Variants in SLC2A12 observed in about 807,000 individuals in gnomAD.
The protein encoded by SLC2A12 is solute carrier family 2, facilitated glucose transporter member 12.
A neutral mutation model predicts 41.8 loss-of-function variants in SLC2A12; 23 were observed. The observed-to-expected ratio is 0.55, with a 90% CI of 0.40 to 0.78. The LOEUF is 0.78. SLC2A12 is among the 30% of genes least tolerant of loss of function. The probability of loss-of-function intolerance (pLI) is 0.00; values close to 1 mark genes in which losing one functional copy is unlikely to be tolerated. For synonymous variants in SLC2A12, 295 were observed against 285.9 expected (o/e 1.03, Z -0.32); for missense variants, 654 against 745.6 (o/e 0.88, Z 1.43).
At position 133,987,660 on chromosome 6, in the gene SLC2A12, A is replaced by ATATATATATATG. The variant is rs1014795332; in HGVS notation, c.*3494_*3495insCATATATATATA. On this transcript the variant is annotated 3_prime_UTR_variant, in exon 5 of 5. Coordinates refer to ENST00000275230, the MANE Select transcript of SLC2A12 (RefSeq NM_145176.3). ...TGTGTGTGTGTGTGTATATATATATATATATATGCACCACATGTGTATAGT... is the reference window on the plus strand; with the variant it reads ...TGTGTGTGTGTGTGTATATATATATATATATATATATGTATATATGCACCACATGTGTATAGT... The ATATATATATATG allele has an allele frequency of 6.9e-5, 10 of 145,016 alleles. No individual in the cohort carries two copies. The highest frequency in any genetic ancestry group is 2.1e-4 in the Admixed American group (3 of 14,034). 9.0% of individuals were successfully genotyped at this position (145,016 alleles called of 1,614,324 possible). A position where few individuals can be genotyped will look rare whatever the true frequency, so the allele number is the denominator to read the frequency against.
chr6:134,052,525 C>G lies in SLC2A12; in HGVS notation c.-45G>C. 1 of 1,477,514 alleles carries G rather than the reference C, an allele frequency of 6.8e-7. No homozygotes were observed. The highest frequency in any genetic ancestry group is 9.4e-7 in the Non-Finnish European group (1 of 1,062,232). The allele number at this position is 1,477,514 out of a possible 1,614,324, so 91.5% of individuals were successfully genotyped here. On this transcript the variant is annotated 5_prime_UTR_variant, in exon 1 of 5. Transcript: ENST00000275230. ...CCGCTTCCCCGCCACCAAACCGCCC[C>G]GACCACCCCCGCTCCCAGGAGTGGT... is the stretch of plus-strand genomic sequence containing the variant.
chr6:134,013,569 A>G (rs1172629134), intron 2 of SLC2A12, among the ~76,000 whole-genome samples: 1 of 152,142 alleles, frequency 6.6e-6, no homozygotes, highest in African/African-American at 2.4e-5. Context: ...CTAGAATAAC[A>G]TGATACATTT....
At chr6:134,044,549 A>G (rs1045766099) in intron 1 of SLC2A12, among the ~76,000 whole-genome samples, 1 of 152,002 alleles carries the variant, frequency 6.6e-6, no homozygotes, top group Non-Finnish European at 1.5e-5. Flanking sequence ...CCCCATCTCT[A>G]CTAAAAATAC....
chr6:134,026,731 T>TA (rs976398662), intron 2 of SLC2A12, among the ~76,000 whole-genome samples: 4 of 152,256 alleles, frequency 2.6e-5, no homozygotes, highest in Non-Finnish European at 4.4e-5. Flanking sequence ...AGCAGTCTTA[T>TA]AGCGGGAAAT....
intron 1 of SLC2A12, among the ~76,000 whole-genome samples, chr6:134,030,909 T>C (rs1198716342): frequency 1.3e-5 from 2 of 152,162 alleles, no homozygotes; most frequent in African/African-American, 4.8e-5. Flanking sequence ...GTTTCTTATT[T>C]ATAAAGTCCA....
At chr6:134,018,602 C>G (rs1341390021) in intron 2 of SLC2A12, among the ~76,000 whole-genome samples, 1 of 152,190 alleles carries the variant, frequency 6.6e-6, no homozygotes, top group East Asian at 1.9e-4. Flanking sequence ...AATGTTACCA[C>G]CTCAGAAATG....
At chr6:134,027,026 A>G (rs1230195333) in intron 2 of SLC2A12, among the ~76,000 whole-genome samples, 1 of 152,224 alleles carries the variant, frequency 6.6e-6, no homozygotes, top group African/African-American at 2.4e-5. Flanking sequence ...AAGTCTAGTT[A>G]TTAATTGAGA....
In SLC2A12 at chr6:133,990,333, A is replaced by C. The variant is rs1488106966; in HGVS notation, c.*822T>G. 1.3e-5 allele frequency: 2 copies of C among 152,596 alleles called. No individual in the cohort carries two copies. The highest frequency in any genetic ancestry group is 4.8e-5 in the African/African-American group (2 of 41,436). The allele number at this position is 152,596 out of a possible 1,614,324, so 9.5% of individuals were successfully genotyped here. On this transcript the variant is annotated 3_prime_UTR_variant, in exon 5 of 5. Transcript: ENST00000275230. Reference sequence around the variant, plus strand: ...GGCTTGACTTAATAACTTCAACCTAATTGCTTAGAGATTTGGATAAATAAC... The same window carrying C: ...GGCTTGACTTAATAACTTCAACCTACTTGCTTAGAGATTTGGATAAATAAC...
chr6:134,015,850 C>T lies in SLC2A12; in HGVS notation c.1445-8916G>A, dbSNP rs554995384. Among the ~76,000 whole-genome samples the T allele has an allele frequency of 2.0e-5, 3 of 152,216 alleles. No individual in the cohort carries two copies. The East Asian group carries it at 5.8e-4, about 29-fold the overall frequency. On this transcript the variant is annotated intron_variant, in intron 2 of 4. Transcript: ENST00000275230. Reference sequence around the variant, plus strand: ...TCCAATGAACAAAATTTTTAAGAGCCAGAGTTATTTGTTTAAATCTAAGTT... The same window carrying T: ...TCCAATGAACAAAATTTTTAAGAGCTAGAGTTATTTGTTTAAATCTAAGTT...
chr6:134,037,189 CTG>C (rs902391818), intron 1 of SLC2A12, among the ~76,000 whole-genome samples: 2 of 117,408 alleles, frequency 1.7e-5, no homozygotes, highest in African/African-American at 6.6e-5. Context: ...AAGTGTCACT[CTG>C]TCGCCCAGGC....
chr6:134,038,387 A>T, intron 1 of SLC2A12, among the ~76,000 whole-genome samples: 2 of 96,932 alleles, frequency 2.1e-5, no homozygotes, highest in African/African-American at 4.1e-5. Context: ...TTTGAGATGG[A>T]GTCTCTCTCT....
At chr6:134,027,786 T>C (rs1777134635) in intron 2 of SLC2A12, among the ~76,000 whole-genome samples, 1 of 152,242 alleles carries the variant, frequency 6.6e-6, no homozygotes, top group African/African-American at 2.4e-5. Context: ...AGCTATGTCC[T>C]TGTAAATTGT....
rs913566701 is a variant in SLC2A12, at chr6:134,014,537, T to A, written c.1445-7603A>T. ...AATGTCATGGCTTCGGAGATCATAT[T>A]TGATGTTGTACATTTTTCATTATTG... On this transcript the variant is annotated intron_variant, in intron 2 of 4. Transcript: ENST00000275230. Among the ~76,000 whole-genome samples, 5 of 152,232 alleles carry A rather than the reference T, an allele frequency of 3.3e-5. No individual in the cohort carries two copies. The East Asian group carries it at 9.6e-4, about 29-fold the overall frequency.
intron 4 of SLC2A12, among the ~76,000 whole-genome samples, chr6:133,999,175 A>T (rs1255561232): frequency 2.0e-5 from 3 of 152,198 alleles, no homozygotes; most frequent in African/African-American, 7.2e-5. Context: ...GGCTAGAGCT[A>T]CTCAGGGCTT....
rs1275796411 is a variant in SLC2A12 at position 133,989,631 on chromosome 6, T to C, written c.*1524A>G. On this transcript the variant is annotated 3_prime_UTR_variant, in exon 5 of 5. Transcript: ENST00000275230. ...ATCTCCTTTCCTTTTAGCTTCCCCC[T>C]GCCAATTTTTATACAGATAATACAC... 6.6e-6 allele frequency: 1 copy of C among 152,182 alleles called. No individual in the cohort carries two copies. Among genetic ancestry groups the C allele is most frequent in the Admixed American group, 6.5e-5 (1 of 15,284 alleles). 9.4% of individuals were successfully genotyped at this position (152,182 alleles called of 1,614,324 possible).
chr6:134,021,820 A>G (rs1278258225), intron 2 of SLC2A12, among the ~76,000 whole-genome samples: 2 of 152,226 alleles, frequency 1.3e-5, no homozygotes, highest in East Asian at 1.9e-4. Context: ...GTGGATTCAA[A>G]GAGGAGATAA....
chr6:134,051,963 A>C (rs1426097484), intron 1 of SLC2A12, among the ~76,000 whole-genome samples: 1 of 152,224 alleles, frequency 6.6e-6, no homozygotes, highest in African/African-American at 2.4e-5. Flanking sequence ...TTGTGACAAT[A>C]AATGAAAAAG....
intron 3 of SLC2A12, among the ~76,000 whole-genome samples, chr6:134,002,662 TTGCTC>T (rs1407903278): frequency 2.0e-5 from 3 of 152,192 alleles, no homozygotes; most frequent in African/African-American, 7.2e-5. Context: ...TCACCCTTCT[TTGCTC>T]TGATGTGAAT....
intron 1 of SLC2A12, among the ~76,000 whole-genome samples, chr6:134,032,426 TTATA>T (rs1210191475): frequency 4.8e-4 from 17 of 35,502 alleles, no homozygotes; most frequent in South Asian, 1.8e-3. Context: ...ATATATATAT[TTATA>T]TATATATATA....
Sources: allele counts gnomAD v4.1 joint callset (sites outside exome capture counted in the v4.1 genomes callset), GRCh38; gene constraint gnomAD v4.1.1; transcripts MANE v1.5; gene names NCBI Gene and HGNC (gene_info 2026-07-23, HGNC 2026-07-21).